NFKBID: variants seen among roughly 807,000 people sequenced by gnomAD.
The protein encoded by NFKBID is NF-kappa-B inhibitor delta.
In NFKBID, 26 loss-of-function variants were observed where a neutral mutation model predicts 53.4. The observed-to-expected ratio is 0.49, with a 90% CI of 0.36 to 0.68. NFKBID has a LOEUF of 0.68. Ranked by LOEUF, NFKBID falls within the 30% of genes least tolerant of loss-of-function variation. The pLI is 0.00. For synonymous variants in NFKBID, 262 were observed against 259.8 expected, an observed-to-expected ratio of 1.01 and a Z score of -0.08; for missense variants, 493 against 614.1, an observed-to-expected ratio of 0.80 and a Z score of 2.08.
At chr19:35,900,501 A>G in exon 1 of NFKBID, 1 of 1,231,814 alleles carries the variant, frequency 8.1e-7, no homozygotes, top group Non-Finnish European at 1.0e-6. Context: ...GCGCTGCGCC[A>G]GCCTCGCTGT....
intron 9 of NFKBID, 70 bp downstream of exon 9, chr19:35,895,910 G>A: frequency 6.8e-7 from 1 of 1,466,510 alleles, no homozygotes; most frequent in African/African-American, 1.4e-5. Context: ...TTTGCCTGGA[G>A]CTCCCGGACA....
Position 35,896,383 on chromosome 19 carries a change from T to C in NFKBID, c.831+9A>G. The C allele has an allele frequency of 6.2e-7, 1 of 1,614,130 alleles. No individual in the cohort carries two copies. The highest frequency in any genetic ancestry group is 8.5e-7 in the Non-Finnish European group (1 of 1,179,998). On this transcript the variant is annotated intron_variant, in intron 7 of 11. Coordinates refer to ENST00000641389, the Ensembl canonical transcript of NFKBID. The surrounding 1 kb of genome is among the most constrained non-coding windows in gnomAD (Gnocchi z 5.7). ...CCCAGACAAACCCCTGCCTGCCAGCTGGCCATACCAAGAGAACTCCTGGGA... is the reference window on the plus strand; with the variant it reads ...CCCAGACAAACCCCTGCCTGCCAGCCGGCCATACCAAGAGAACTCCTGGGA...
chr19:35,900,529 C>T, exon 1 of NFKBID: 1 of 1,231,762 alleles, frequency 8.1e-7, no homozygotes, highest in Non-Finnish European at 1.0e-6. Context: ...GCGGAGCCGC[C>T]GCCGGGTCCC....
chr19:35,889,680 G>C (rs565833341), intron 11 of NFKBID, among the ~76,000 whole-genome samples: 5 of 152,134 alleles, frequency 3.3e-5, no homozygotes, highest in Non-Finnish European at 7.4e-5. Context: ...TCAGGGTTGG[G>C]GTAGAGATCA....
intron 9 of NFKBID, among the ~76,000 whole-genome samples, chr19:35,893,154 G>A (rs984592071): frequency 6.6e-6 from 1 of 152,148 alleles, no homozygotes; most frequent in Non-Finnish European, 1.5e-5. Flanking sequence ...GGGTGACAAA[G>A]CCAGACTCTG....
At chr19:35,890,744 G>GTCCC (rs755286927) in intron 9 of NFKBID, 4 of 466,868 alleles carry the variant, frequency 8.6e-6, no homozygotes, top group African/African-American at 2.0e-5. Flanking sequence ...CGCACCTGTA[G>GTCCC]TCCCAGCTGC....
rs61288857 is a variant in NFKBID at position 35,896,844 on chromosome 19, G to C, written c.579-13C>G. 16,984 of 1,613,984 alleles carry C rather than the reference G, an allele frequency of 0.011. 1,466 individuals are homozygous for C. The African/African-American group carries it at 0.19, about 18-fold the overall frequency. ...CAGGTGAAGGAGCCTGAGGACAGGT[G>C]GGGGACAGCCGTGAGAACAGCCCCC... On this transcript the variant is annotated splice_polypyrimidine_tract_variant and intron_variant, in intron 5 of 11. Coordinates refer to ENST00000641389, the Ensembl canonical transcript of NFKBID. The surrounding 1 kb of genome is among the most constrained non-coding windows in gnomAD (Gnocchi z 5.7).
chr19:35,891,606 T>A (rs542155709), intron 9 of NFKBID, among the ~76,000 whole-genome samples: 16 of 152,290 alleles, frequency 1.1e-4, no homozygotes, highest in Admixed American at 8.5e-4. Context: ...CAGGGGCTCA[T>A]GCCTGTAATC....
exon 11 of NFKBID, chr19:35,889,892 C>T: frequency 1.2e-6 from 2 of 1,606,694 alleles, no homozygotes; most frequent in Non-Finnish European, 1.7e-6. Context: ...TTACTTACCC[C>T]CTCAGGGCCC....
At chr19:35,898,685 G>C (rs1035757190) in intron 2 of NFKBID, 34 bp downstream of exon 2, 1 of 1,522,376 alleles carries the variant, frequency 6.6e-7, no homozygotes, top group African/African-American at 1.4e-5. Context: ...GGACAGCACG[G>C]GGCCTCCGGA....
intron 3 of NFKBID, 125 bp from the exon 4 acceptor site, chr19:35,897,981 C>G: frequency 1.5e-6 from 1 of 645,234 alleles, no homozygotes; most frequent in South Asian, 1.9e-5. Flanking sequence ...ACCAAGCTCC[C>G]GGGACCTGGA....
intron 1 of NFKBID, among the ~76,000 whole-genome samples, chr19:35,899,262 A>G (rs1222447671): frequency 6.6e-6 from 1 of 152,004 alleles, no homozygotes; most frequent in Admixed American, 6.6e-5. Context: ...AGGAGTCCCC[A>G]GCGCCCCTCC....
chr19:35,897,687 G>A lies in NFKBID; in HGVS notation c.396C>T (p.Asp132=), dbSNP rs751690645. 2.3e-5 allele frequency: 37 copies of A among 1,609,228 alleles called. No homozygotes were observed. The Admixed American group carries it at 6.0e-4, about 26-fold the overall frequency. The change falls in exon 4 of 12, where the codon GAC becomes GAT. Residue 132 remains aspartate (D), a synonymous_variant. Coordinates refer to ENST00000641389, the Ensembl canonical transcript of NFKBID. ...GGGGAAATGGGCACGGCTGCCCTGG[G>A]TCCGAGGGTGGGTAGAAGTCAGGAG...
At chr19:35,902,038 C>G (rs998757778), upstream of NFKBID, 2 of 639,096 alleles carry the variant, frequency 3.1e-6, no homozygotes, top group Non-Finnish European at 5.7e-6. Context: ...CATCCATAAG[C>G]CATCAACCCC....
chr19:35,895,151 C>T (rs1034598115), intron 9 of NFKBID, among the ~76,000 whole-genome samples: 1 of 151,978 alleles, frequency 6.6e-6, no homozygotes, highest in Admixed American at 6.6e-5. Context: ...TGCTTGATAA[C>T]ATACCCTAAG....
chr19:35,889,813 A>G, intron 11 of NFKBID, 77 bp downstream of exon 11: 1 of 1,417,570 alleles, frequency 7.1e-7, no homozygotes, highest in Non-Finnish European at 9.6e-7. Flanking sequence ...GAAAGCGAGC[A>G]TTGGGTGGGG....
At chr19:35,889,890 C>T in exon 11 of NFKBID, 1 of 1,604,786 alleles carries the variant, frequency 6.2e-7, no homozygotes, top group Non-Finnish European at 8.5e-7. Flanking sequence ...GCTTACTTAC[C>T]CCCTCAGGGC....
chr19:35,892,850 G>A (rs1974868263), intron 9 of NFKBID, among the ~76,000 whole-genome samples: 1 of 152,114 alleles, frequency 6.6e-6, no homozygotes, highest in African/African-American at 2.4e-5. Context: ...AAAAGTACAA[G>A]AAAGTGGTCT....
chr19:35,890,978 A>G (rs1026924035), intron 9 of NFKBID, among the ~76,000 whole-genome samples: 1 of 152,140 alleles, frequency 6.6e-6, no homozygotes, highest in Non-Finnish European at 1.5e-5. Flanking sequence ...AGGGTGTACC[A>G]TTCACACCAT....
Sources: gnomAD v4.1 joint callset for allele counts (sites outside exome capture counted in the v4.1 genomes callset) on GRCh38, gnomAD v4.1.1 for gene constraint, Gnocchi (gnomAD v3.1) non-coding constraint, MANE v1.5 for transcripts, NCBI Gene and HGNC (gene_info 2026-07-23, HGNC 2026-07-21) for gene names.